The following CLSTN2 variants were observed in gnomAD, a reference collection of about 807,000 sequenced individuals.
The protein encoded by CLSTN2 is calsyntenin 2.
Under a neutral mutation model 101.2 loss-of-function variants are expected in CLSTN2, and 48 were observed. That is an observed-to-expected ratio of 0.47 (90% CI 0.38 to 0.60). CLSTN2 has a LOEUF of 0.60. Ranked by LOEUF, CLSTN2 falls within the 20% of genes least tolerant of loss-of-function variation. The pLI is 0.00. For missense variants in CLSTN2, 1,160 were observed against 1,238.2 expected (o/e 0.94, Z 0.95); for synonymous variants, 481 against 463.6 (o/e 1.04, Z -0.48).
At chr3:140,481,830 G>A (rs1474181623) in intron 8 of CLSTN2, among the ~76,000 whole-genome samples, 5 of 152,108 alleles carry the variant, frequency 3.3e-5, no homozygotes, top group Non-Finnish European at 4.4e-5. Context: ...GTTGCCTATC[G>A]GCTTAAGGAG....
chr3:140,576,203 C>T lies in CLSTN2; in HGVS notation c.*9950C>T, dbSNP rs1985726236. 1 of 152,224 alleles carries T rather than the reference C, an allele frequency of 6.6e-6. No individual in the cohort carries two copies. The highest frequency in any genetic ancestry group is 6.5e-5 in the Admixed American group (1 of 15,280). 9.4% of individuals were successfully genotyped at this position (152,224 alleles called of 1,614,324 possible). A position where few individuals can be genotyped will look rare whatever the true frequency, so the allele number is the denominator to read the frequency against. On this transcript the variant is annotated 3_prime_UTR_variant, in exon 17 of 17. Transcript: ENST00000458420. ...ATTCAGCCAGCCGCAGACACAAGGT[C>T]TGGCTCCCTTGTCGTGAGAGTGAAG...
intron 2 of CLSTN2, among the ~76,000 whole-genome samples, chr3:140,222,874 G>GAAAAA (rs3035937): frequency 0.037 from 5,363 of 143,066 alleles, 362 homozygotes; most frequent in African/African-American, 0.13. Flanking sequence ...AAAATTTTAA[G>GAAAAA]AAAAAAAAAA....
At chr3:140,334,091 C>T (rs750677152) in intron 2 of CLSTN2, among the ~76,000 whole-genome samples, 57 of 152,238 alleles carry the variant, frequency 3.7e-4, no homozygotes, top group Non-Finnish European at 7.4e-4. Flanking sequence ...GATATAGCTG[C>T]TTAACTTCTT....
At chr3:140,412,964 A>G (rs1353291656) in intron 4 of CLSTN2, among the ~76,000 whole-genome samples, 1 of 152,204 alleles carries the variant, frequency 6.6e-6, no homozygotes, top group East Asian at 1.9e-4. Flanking sequence ...CTCAAATAAA[A>G]AACCTAATGT....
intron 2 of CLSTN2, among the ~76,000 whole-genome samples, chr3:140,266,702 A>C (rs373698725): frequency 6.6e-6 from 1 of 152,316 alleles, no homozygotes; most frequent in Admixed American, 6.5e-5. Flanking sequence ...AAACCTCAGA[A>C]AAACTATTGT....
At chr3:140,157,284 A>G (rs1041279527) in intron 1 of CLSTN2, among the ~76,000 whole-genome samples, 1 of 151,968 alleles carries the variant, frequency 6.6e-6, no homozygotes, top group Non-Finnish European at 1.5e-5. Flanking sequence ...CTCCTCCTCA[A>G]TGTTTTGGAA....
chr3:140,135,087 A>AACACACACAC (rs780837347), intron 1 of CLSTN2, among the ~76,000 whole-genome samples: 1 of 51,394 alleles, frequency 1.9e-5, no homozygotes, highest in African/African-American at 5.4e-5. Flanking sequence ...CTCTCAAAAA[A>AACACACACAC]ACACACACAC....
intron 1 of CLSTN2, among the ~76,000 whole-genome samples, chr3:140,084,832 CA>C (rs1431436448): frequency 1.3e-5 from 2 of 152,190 alleles, no homozygotes; most frequent in Non-Finnish European, 2.9e-5. Flanking sequence ...TACTTCCTAG[CA>C]ACAGAGAATA....
intron 1 of CLSTN2, among the ~76,000 whole-genome samples, chr3:140,036,721 G>C (rs1560075943): frequency 6.6e-6 from 1 of 151,688 alleles, no homozygotes; most frequent in Non-Finnish European, 1.5e-5. Flanking sequence ...GGGCATGCTA[G>C]ATCTATCTTT....
At chr3:140,337,898 C>A (rs1164981567) in intron 2 of CLSTN2, among the ~76,000 whole-genome samples, 1 of 152,158 alleles carries the variant, frequency 6.6e-6, no homozygotes, top group Non-Finnish European at 1.5e-5. Context: ...ACCCTTATAA[C>A]TTCCACATGG....
intron 2 of CLSTN2, among the ~76,000 whole-genome samples, chr3:140,379,606 T>C (rs2087956995): frequency 6.6e-6 from 1 of 152,218 alleles, no homozygotes; most frequent in Non-Finnish European, 1.5e-5. Context: ...GGCTTCATTC[T>C]AAAGTAAAAT....
chr3:140,499,982 G>T lies in CLSTN2; in HGVS notation c.1345-32342G>T, dbSNP rs535574992. 2.0e-5 allele frequency among the ~76,000 whole-genome samples: 3 copies of T among 152,176 alleles called. No individual in the cohort carries two copies. In the East Asian group the frequency reaches 5.8e-4, roughly 29 times the overall value. On this transcript the variant is annotated intron_variant, in intron 8 of 16. Transcript: ENST00000458420. Reference sequence around the variant, plus strand: ...CTCAGAAGGCTGAGGCGGGAGAATGGTGTGAACCTGGGAGGTGGAGATTGC... The same window carrying T: ...CTCAGAAGGCTGAGGCGGGAGAATGTTGTGAACCTGGGAGGTGGAGATTGC...
chr3:140,248,476 G>A (rs2086535077), intron 2 of CLSTN2, among the ~76,000 whole-genome samples: 1 of 152,218 alleles, frequency 6.6e-6, no homozygotes, highest in Admixed American at 6.5e-5. Flanking sequence ...TAGCAGGGAT[G>A]TGGGGGCCAG....
rs187237498 is a variant in CLSTN2, at chr3:140,182,017, T to G, written c.232+5944T>G. Reference sequence around the variant, plus strand: ...CTGAATCCCATGCTGAGTGAGTCATTCCCCTTTAAATTCTCTTTCTGATCA... The same window carrying G: ...CTGAATCCCATGCTGAGTGAGTCATGCCCCTTTAAATTCTCTTTCTGATCA... On this transcript the variant is annotated intron_variant, in intron 2 of 16. Transcript: ENST00000458420. Among the ~76,000 whole-genome samples, 327 of 152,286 alleles carry G rather than the reference T, an allele frequency of 2.1e-3. 2 individuals are homozygous for G. The highest frequency in any genetic ancestry group is 7.5e-3 in the African/African-American group (313 of 41,554).
intron 8 of CLSTN2, among the ~76,000 whole-genome samples, chr3:140,503,590 A>G (rs1428495501): frequency 6.6e-6 from 1 of 151,888 alleles, no homozygotes; most frequent in African/African-American, 2.4e-5. Context: ...GCGATGCATG[A>G]CTGTAACATA....
Position 140,572,292 on chromosome 3 carries a change from A to T in CLSTN2, c.*6039A>T, listed in dbSNP as rs1166646529. The T allele has an allele frequency of 6.6e-6, 1 of 152,260 alleles. No homozygotes were observed. Among genetic ancestry groups the T allele is most frequent in the Non-Finnish European group, 1.5e-5 (1 of 68,050 alleles). The allele number at this position is 152,260 out of a possible 1,614,324, so 9.4% of individuals were successfully genotyped here. ...GCAATATTTCCCTGAATATTCCTCA[A>T]TTCCAATCAAGGCTGACTCAGTTCA... On this transcript the variant is annotated 3_prime_UTR_variant, in exon 17 of 17. Coordinates refer to ENST00000458420, the MANE Select transcript of CLSTN2 (RefSeq NM_022131.3).
intron 1 of CLSTN2, among the ~76,000 whole-genome samples, chr3:140,105,115 T>C (rs2009033734): frequency 6.6e-6 from 1 of 152,242 alleles, no homozygotes; most frequent in Non-Finnish European, 1.5e-5. Flanking sequence ...TAACAGCAGG[T>C]AAGAATTGTG....
chr3:140,363,345 A>G (rs55984836), intron 2 of CLSTN2, among the ~76,000 whole-genome samples: 3,060 of 152,294 alleles, frequency 0.02, 109 homozygotes, highest in African/African-American at 0.068. Context: ...AGAGCCCCCA[A>G]CTTGACTACA....
chr3:139,942,389 A>T (rs957528483), intron 1 of CLSTN2, among the ~76,000 whole-genome samples: 2 of 152,114 alleles, frequency 1.3e-5, no homozygotes, highest in African/African-American at 4.8e-5. Flanking sequence ...CCTGCACCAG[A>T]AAGACTATCC....
Sources: allele counts gnomAD v4.1 joint callset (sites outside exome capture counted in the v4.1 genomes callset), GRCh38; gene constraint gnomAD v4.1.1; transcripts MANE v1.5; gene names NCBI Gene and HGNC (gene_info 2026-07-23, HGNC 2026-07-21).